The following SGMS1 variants were observed in gnomAD, a reference collection of about 807,000 sequenced individuals.
SGMS1 encodes the protein sphingomyelin synthase 1.
SGMS1 carries 13 observed loss-of-function variants against 46.2 expected under a neutral mutation model. That is an observed-to-expected ratio of 0.28 (90% CI 0.18 to 0.45). The LOEUF (loss-of-function observed/expected upper bound fraction) is 0.45, where lower values mean the gene tolerates loss of function less well. SGMS1 is among the 20% of genes least tolerant of loss of function. The pLI is 1.00. For synonymous variants in SGMS1, 203 were observed against 187.8 expected (o/e 1.08, Z -0.66); for missense variants, 324 against 519.9 (o/e 0.62, Z 3.66).
intron 3 of SGMS1, among the ~76,000 whole-genome samples, chr10:50,475,731 C>G (rs1325266971): frequency 2.6e-5 from 4 of 152,072 alleles, no homozygotes; most frequent in Non-Finnish European, 5.9e-5. Context: ...CTTACCAGAT[C>G]TGCTTGTTAA....
intron 2 of SGMS1, among the ~76,000 whole-genome samples, chr10:50,545,052 A>G (rs944624273): frequency 6.6e-6 from 1 of 152,190 alleles, no homozygotes; most frequent in African/African-American, 2.4e-5. Flanking sequence ...GCACGTGTAC[A>G]ATAAAAGCAA....
At position 50,311,381 on chromosome 10, in the gene SGMS1, A is replaced by G; in HGVS notation, c.776T>C (p.Ile259Thr). ...GCCACCTCCAGCAATGAGCTTCATT[A>G]TTCTTCGCAGTTGGGCTTCCCAGTC... ...FGDWEAQLRR[I>T]MKLIAGGGLS... Residue 259 changes from isoleucine to threonine, a missense_variant, in exon 9 of 11, where the codon ATA (isoleucine) becomes ACA (threonine). By Grantham distance (89) the Ile-to-Thr change is moderately conservative. Around this residue, in one of 2 missense-constraint regions of SGMS1, gnomAD observed 174 missense variants for 350.1 expected, o/e 0.50. Transcript: ENST00000361781. The G allele has an allele frequency of 6.2e-7, 1 of 1,614,058 alleles. No individual in the cohort carries two copies. The highest frequency in any genetic ancestry group is 8.5e-7 in the Non-Finnish European group (1 of 1,179,934).
chr10:50,484,211 A>G (rs11815109), intron 3 of SGMS1, among the ~76,000 whole-genome samples: 4,618 of 152,266 alleles, frequency 0.03, 108 homozygotes, highest in African/African-American at 0.064. Flanking sequence ...GATAAAGGGA[A>G]TATCACCACT....
intron 7 of SGMS1, among the ~76,000 whole-genome samples, chr10:50,329,352 G>A (rs1179504633): frequency 6.6e-6 from 1 of 152,200 alleles, no homozygotes; most frequent in Non-Finnish European, 1.5e-5. Context: ...GACTTAAAGT[G>A]AAAGAGTCAA....
At chr10:50,427,800 C>A (rs916472530) in intron 6 of SGMS1, among the ~76,000 whole-genome samples, 1 of 152,166 alleles carries the variant, frequency 6.6e-6, no homozygotes, top group Non-Finnish European at 1.5e-5. Flanking sequence ...CTCCAGAAAT[C>A]CACACTTTGA....
At chr10:50,617,027 G>A (rs554186661) in intron 1 of SGMS1, among the ~76,000 whole-genome samples, 35 of 152,178 alleles carry the variant, frequency 2.3e-4, no homozygotes, top group Admixed American at 9.2e-4. Flanking sequence ...AAAAGTAGGG[G>A]CTCATTCTGC....
intron 3 of SGMS1, among the ~76,000 whole-genome samples, chr10:50,485,821 G>C (rs1261724817): frequency 6.6e-6 from 1 of 152,024 alleles, no homozygotes; most frequent in African/African-American, 2.4e-5. Flanking sequence ...AATCACTTGA[G>C]CCCAGGAGGC....
At chr10:50,439,185 C>T (rs189015821) in intron 5 of SGMS1, among the ~76,000 whole-genome samples, 13 of 152,058 alleles carry the variant, frequency 8.5e-5, no homozygotes, top group African/African-American at 1.9e-4. Flanking sequence ...CTAATATGGG[C>T]GCCTTAAAAA....
intron 2 of SGMS1, among the ~76,000 whole-genome samples, chr10:50,560,163 T>C (rs911452107): frequency 4.1e-5 from 6 of 145,820 alleles, no homozygotes; most frequent in Non-Finnish European, 9.0e-5. Context: ...AATAGACATA[T>C]ATTATACATT....
chr10:50,511,248 TACACAC>T (rs3054272), intron 3 of SGMS1, among the ~76,000 whole-genome samples: 3,540 of 141,774 alleles, frequency 0.025, 150 homozygotes, highest in African/African-American at 0.086. Context: ...CACTCATTCA[TACACAC>T]ACACACACAC....
At chr10:50,330,275 G>A (rs1224741412) in intron 7 of SGMS1, among the ~76,000 whole-genome samples, 2 of 141,792 alleles carry the variant, frequency 1.4e-5, no homozygotes, top group East Asian at 2.2e-4. Context: ...ACAACATAGC[G>A]CAACCCTGTC....
chr10:50,517,884 G>C lies in SGMS1; in HGVS notation c.-498+1947C>G, dbSNP rs757163368. Among the ~76,000 whole-genome samples the C allele has an allele frequency of 5.4e-4, 82 of 151,552 alleles. 2 individuals carry two copies. Among genetic ancestry groups the C allele is most frequent in the Non-Finnish European group, 1.8e-4 (12 of 67,892 alleles). On this transcript the variant is annotated intron_variant, in intron 3 of 10. Coordinates refer to ENST00000361781, the MANE Select transcript of SGMS1 (RefSeq NM_147156.4). ...TGGAACAGTATGTTCACAACACTGG[G>C]AAAAAAAATAACTATCAACTAAGAG...
At chr10:50,418,767 A>G (rs148599884) in intron 6 of SGMS1, among the ~76,000 whole-genome samples, 1 of 152,208 alleles carries the variant, frequency 6.6e-6, no homozygotes, top group Non-Finnish European at 1.5e-5. Flanking sequence ...CTGGTATCAA[A>G]GCAGATTTGG....
chr10:50,350,922 G>A (rs1179245785), intron 6 of SGMS1, among the ~76,000 whole-genome samples: 2 of 152,260 alleles, frequency 1.3e-5, no homozygotes, highest in Non-Finnish European at 2.9e-5. Context: ...TAGTGGAGCT[G>A]TGAAAAGAGG....
intron 7 of SGMS1, among the ~76,000 whole-genome samples, chr10:50,331,280 T>A (rs1262423367): frequency 6.6e-6 from 1 of 152,196 alleles, no homozygotes; most frequent in Non-Finnish European, 1.5e-5. Context: ...ATGGATATGA[T>A]CCTTATTTTA....
At chr10:50,622,952 C>A (rs760660236) in intron 1 of SGMS1, among the ~76,000 whole-genome samples, 1 of 152,224 alleles carries the variant, frequency 6.6e-6, no homozygotes, top group Non-Finnish European at 1.5e-5. Context: ...CCCTCTGTCA[C>A]GGAAAAGCGG....
chr10:50,541,180 T>C (rs1215029793), intron 2 of SGMS1, among the ~76,000 whole-genome samples: 1 of 152,168 alleles, frequency 6.6e-6, no homozygotes, highest in Non-Finnish European at 1.5e-5. Flanking sequence ...AAAACACTAA[T>C]TCTTTATCTT....
intron 6 of SGMS1, among the ~76,000 whole-genome samples, chr10:50,356,709 AAAAAAATAAAAAAAT>A (rs1345170191): frequency 3.9e-5 from 6 of 151,932 alleles, no homozygotes; most frequent in African/African-American, 4.8e-5. Context: ...TGGAACTCTT[AAAAAAATAAAAAAAT>A]AAAAAATAAA....
At chr10:50,401,673 C>T (rs1564902712) in intron 6 of SGMS1, among the ~76,000 whole-genome samples, 1 of 152,212 alleles carries the variant, frequency 6.6e-6, no homozygotes, top group Non-Finnish European at 1.5e-5. Context: ...TTAAGGGATA[C>T]ATGTTTTACA....
Sources: allele counts gnomAD v4.1 joint callset (sites outside exome capture counted in the v4.1 genomes callset), GRCh38; gene constraint gnomAD v4.1.1; regional missense constraint gnomAD v4.1.1; transcripts MANE v1.5; gene names NCBI Gene and HGNC (gene_info 2026-07-23, HGNC 2026-07-21).